Variants in DIAPH3 observed in about 807,000 individuals in gnomAD.
DIAPH3 encodes the protein diaphanous related formin 3.
Under a neutral mutation model 144.3 loss-of-function variants are expected in DIAPH3, and 117 were observed. That is an observed-to-expected ratio of 0.81 (90% CI 0.70 to 0.95). The LOEUF (loss-of-function observed/expected upper bound fraction) is 0.95, where lower values mean the gene tolerates loss of function less well. DIAPH3 is among the 40% of genes least tolerant of loss of function. DIAPH3 has a pLI of 0.00. For missense variants in DIAPH3, 1,421 were observed against 1,412.7 expected, an observed-to-expected ratio of 1.01 and a Z score of -0.09; for synonymous variants, 519 against 488.9, an observed-to-expected ratio of 1.06 and a Z score of -0.81.
At chr13:60,136,233 T>A (rs1177137873) in intron 1 of DIAPH3, among the ~76,000 whole-genome samples, 1 of 152,176 alleles carries the variant, frequency 6.6e-6, no homozygotes, top group Non-Finnish European at 1.5e-5. Flanking sequence ...TTTATGGTGG[T>A]ACTTGAGGTA....
chr13:60,081,185 C>A (rs537319072), intron 4 of DIAPH3, among the ~76,000 whole-genome samples: 5 of 151,924 alleles, frequency 3.3e-5, no homozygotes, highest in Non-Finnish European at 7.4e-5. Flanking sequence ...CTGAATTTCC[C>A]AACTATCAAT....
At chr13:60,022,054 A>G (rs1466131518) in intron 5 of DIAPH3, among the ~76,000 whole-genome samples, 1 of 152,208 alleles carries the variant, frequency 6.6e-6, no homozygotes, top group Non-Finnish European at 1.5e-5. Context: ...CATTTTCTAC[A>G]AGTACATTGC....
chr13:59,863,069 C>A (rs1447483143), intron 21 of DIAPH3, among the ~76,000 whole-genome samples: 1 of 151,928 alleles, frequency 6.6e-6, no homozygotes, highest in Admixed American at 6.6e-5. Context: ...CCAGGGTGGA[C>A]CAATCCTAAT....
At chr13:59,997,829 T>C (rs1443743946) in intron 9 of DIAPH3, among the ~76,000 whole-genome samples, 1 of 152,088 alleles carries the variant, frequency 6.6e-6, no homozygotes, top group Non-Finnish European at 1.5e-5. Context: ...TAAGTAGATG[T>C]TTTTACAATT....
At chr13:59,787,068 T>A (rs2139374169) in intron 25 of DIAPH3, among the ~76,000 whole-genome samples, 1 of 152,300 alleles carries the variant, frequency 6.6e-6, no homozygotes, top group Non-Finnish European at 1.5e-5. Context: ...GCCACTGCAC[T>A]GCAGCCTGGG....
chr13:59,727,783 A>G (rs925672799), intron 27 of DIAPH3, among the ~76,000 whole-genome samples: 5 of 152,158 alleles, frequency 3.3e-5, no homozygotes, highest in Non-Finnish European at 7.4e-5. Flanking sequence ...CTGTTATTAA[A>G]AAGGCCTGGC....
chr13:59,765,461 C>T (rs960175839), intron 27 of DIAPH3, among the ~76,000 whole-genome samples: 3 of 152,192 alleles, frequency 2.0e-5, no homozygotes, highest in African/African-American at 7.2e-5. Context: ...GCCTATGAAA[C>T]ACATAGTGTA....
chr13:60,092,804 T>C (rs976156703), intron 4 of DIAPH3, among the ~76,000 whole-genome samples: 1 of 152,236 alleles, frequency 6.6e-6, no homozygotes, highest in Non-Finnish European at 1.5e-5. Flanking sequence ...CAATGACTGG[T>C]CTAGCAGTTA....
intron 20 of DIAPH3, among the ~76,000 whole-genome samples, chr13:59,891,846 T>C (rs1489022777): frequency 6.6e-6 from 1 of 151,964 alleles, no homozygotes; most frequent in Non-Finnish European, 1.5e-5. Flanking sequence ...ACCGGTTGAG[T>C]AAACAGGTCA....
chr13:59,694,573 G>C (rs1168935315), intron 27 of DIAPH3, among the ~76,000 whole-genome samples: 2 of 152,092 alleles, frequency 1.3e-5, no homozygotes, highest in African/African-American at 4.8e-5. Flanking sequence ...TAAAACGCTT[G>C]ATTGTTAAAA....
At chr13:59,825,755 G>C (rs1368244699) in intron 24 of DIAPH3, among the ~76,000 whole-genome samples, 1 of 152,090 alleles carries the variant, frequency 6.6e-6, no homozygotes, top group African/African-American at 2.4e-5. Flanking sequence ...GTATCTCATT[G>C]TGGTTTTGAT....
At chr13:59,798,337 C>G (rs1415860341) in intron 25 of DIAPH3, among the ~76,000 whole-genome samples, 1 of 151,864 alleles carries the variant, frequency 6.6e-6, no homozygotes, top group African/African-American at 2.4e-5. Context: ...AATGTGCCTA[C>G]AAAATAAAGC....
At chr13:60,120,999 C>A (rs1033208450) in intron 2 of DIAPH3, among the ~76,000 whole-genome samples, 15 of 151,996 alleles carry the variant, frequency 9.9e-5, no homozygotes, top group Non-Finnish European at 1.5e-4. Flanking sequence ...AAAATATATA[C>A]GAACTAAAGT....
At chr13:59,735,068 AG>A (rs1347050229) in intron 27 of DIAPH3, among the ~76,000 whole-genome samples, 2 of 152,172 alleles carry the variant, frequency 1.3e-5, no homozygotes, top group Non-Finnish European at 2.9e-5. Context: ...TGTTTTAAAT[AG>A]AATGTTTACA....
chr13:59,743,982 C>T (rs1282997017), intron 27 of DIAPH3, among the ~76,000 whole-genome samples: 1 of 152,110 alleles, frequency 6.6e-6, no homozygotes, highest in Non-Finnish European at 1.5e-5. Flanking sequence ...GGTGGCAAAT[C>T]ATGCTATTCT....
intron 24 of DIAPH3, among the ~76,000 whole-genome samples, chr13:59,814,640 A>G (rs1356417078): frequency 6.6e-6 from 1 of 152,246 alleles, no homozygotes; most frequent in African/African-American, 2.4e-5. Context: ...TGAATTAAGA[A>G]AGAAAAGTTA....
chr13:60,077,319 C>A (rs1410169990), intron 4 of DIAPH3, among the ~76,000 whole-genome samples: 2 of 151,892 alleles, frequency 1.3e-5, no homozygotes, highest in East Asian at 3.9e-4. Flanking sequence ...TAAAACATAA[C>A]CAGACAAGAA....
intron 27 of DIAPH3, among the ~76,000 whole-genome samples, chr13:59,681,773 G>T (rs1447603108): frequency 6.6e-6 from 1 of 152,126 alleles, no homozygotes; most frequent in African/African-American, 2.4e-5. Context: ...GAGGAAGGAG[G>T]CTTTGTGGGA....
At chr13:59,708,849 T>TA (rs2034570390) in intron 27 of DIAPH3, among the ~76,000 whole-genome samples, 1 of 152,058 alleles carries the variant, frequency 6.6e-6, no homozygotes, top group Admixed American at 6.5e-5. Context: ...AAATATATTT[T>TA]AAAAACATGC....
Sources: gnomAD v4.1 joint callset for allele counts (sites outside exome capture counted in the v4.1 genomes callset) on GRCh38, gnomAD v4.1.1 for gene constraint, MANE v1.5 for transcripts, NCBI Gene and HGNC (gene_info 2026-07-23, HGNC 2026-07-21) for gene names.